Variants in ANAPC1 observed in about 807,000 individuals in gnomAD.
The protein encoded by ANAPC1 is anaphase-promoting complex subunit 1.
Under a neutral mutation model 208.0 loss-of-function variants are expected in ANAPC1, and 36 were observed. The observed-to-expected ratio is 0.17, with a 90% confidence interval of 0.13 to 0.23. ANAPC1 has a LOEUF of 0.23. Among genes scored for constraint, ANAPC1 ranks in the 10% least tolerant of loss-of-function variants. ANAPC1 has a pLI of 1.00. For synonymous variants in ANAPC1, 378 were observed against 695.2 expected (o/e 0.54, Z 7.18); for missense variants, 942 against 2,011.6 (o/e 0.47, Z 10.17).
intron 21 of ANAPC1, among the ~76,000 whole-genome samples, chr2:111,829,533 G>T (rs1247919258): frequency 6.6e-6 from 1 of 152,164 alleles, no homozygotes; most frequent in Non-Finnish European, 1.5e-5. Flanking sequence ...TCCAGGATGG[G>T]GGGACTGAGG....
chr2:111,869,369 G>A (rs368771878), intron 6 of ANAPC1, among the ~76,000 whole-genome samples: 14 of 151,926 alleles, frequency 9.2e-5, no homozygotes, highest in South Asian at 2.1e-4. Context: ...TCAGCCTCCC[G>A]AGTAGCTGGG....
At chr2:111,826,762 G>A (rs571957047) in intron 21 of ANAPC1, among the ~76,000 whole-genome samples, 1 of 151,510 alleles carries the variant, frequency 6.6e-6, no homozygotes, top group Non-Finnish European at 1.5e-5. Flanking sequence ...CTGGGTTCAA[G>A]CGATTCTCCC....
chr2:111,851,387 T>C (rs1297308321), intron 13 of ANAPC1, among the ~76,000 whole-genome samples: 1 of 149,334 alleles, frequency 6.7e-6, no homozygotes, highest in East Asian at 2.0e-4. Flanking sequence ...TTTCTCTTGG[T>C]TGGATTCCTT....
chr2:111,873,707 A>T (rs1215754083), intron 3 of ANAPC1, 43 bp from the exon 4 acceptor site: 1 of 1,534,280 alleles, frequency 6.5e-7, no homozygotes, highest in Non-Finnish European at 8.7e-7. Context: ...ATTATATCTA[A>T]ATAATCATCT....
In ANAPC1 at chr2:111,792,759, C is replaced by T. The variant is rs941503581; in HGVS notation, c.4519-204G>A. Among the ~76,000 whole-genome samples, 91 of 151,824 alleles carry T rather than the reference C, an allele frequency of 6.0e-4. 1 individual carries two copies. Among genetic ancestry groups the T allele is most frequent in the African/African-American group, 1.2e-3 (48 of 41,496 alleles). On this transcript the variant is annotated intron_variant, in intron 37 of 47. Transcript: ENST00000341068. ...CGAGGTCAGGAGATCGAGACCATCCCGGCTAACATGGTGAAACCCCGTCTC... is the reference window on the plus strand; with the variant it reads ...CGAGGTCAGGAGATCGAGACCATCCTGGCTAACATGGTGAAACCCCGTCTC...
At chr2:111,870,878 TA>T (rs201091772) in intron 6 of ANAPC1, among the ~76,000 whole-genome samples, 1 of 151,936 alleles carries the variant, frequency 6.6e-6, no homozygotes, top group Non-Finnish European at 1.5e-5. Flanking sequence ...AGGTGAGAGA[TA>T]AAAAAAACCC....
intron 16 of ANAPC1, among the ~76,000 whole-genome samples, 186 bp downstream of exon 16, chr2:111,846,952 T>C (rs979624705): frequency 6.6e-6 from 1 of 152,118 alleles, no homozygotes; most frequent in Non-Finnish European, 1.5e-5. Flanking sequence ...CCTTCACCTG[T>C]ACTCCAGCCT....
At chr2:111,856,561 A>C in intron 13 of ANAPC1, 53 bp downstream of exon 13, 2 of 1,480,320 alleles carry the variant, frequency 1.4e-6, no homozygotes, top group South Asian at 2.3e-5. Flanking sequence ...ACAAATATTC[A>C]TGCAGGCAGC....
At chr2:111,881,959 C>T (rs181422398) in intron 1 of ANAPC1, among the ~76,000 whole-genome samples, 1 of 151,870 alleles carries the variant, frequency 6.6e-6, no homozygotes. Context: ...CCAAAGCAGG[C>T]GGATCACTAG....
chr2:111,772,351 T>A lies in ANAPC1; in HGVS notation c.5709A>T (p.Ile1903=). 6.2e-7 allele frequency: 1 copy of A among 1,613,058 alleles called. No individual in the cohort carries two copies. The highest frequency in any genetic ancestry group is 8.5e-7 in the Non-Finnish European group (1 of 1,179,662). The part of the protein sequence containing the change: ...SVPAPQHLPP[I]GLEGSTSFAE... Reference sequence around the variant, plus strand: ...TAGATATGCAATTACCTTCTAGTCCTATAGGTGGCAGGTGCTGTGGAGCTG... The same window carrying A: ...TAGATATGCAATTACCTTCTAGTCCAATAGGTGGCAGGTGCTGTGGAGCTG... The change falls in exon 47 of 48, where the codon ATA becomes ATT. Residue 1903 remains isoleucine, a synonymous_variant. Transcript: ENST00000341068.
chr2:111,810,882 CAAAAAAAA>C (rs1162540899), intron 28 of ANAPC1, among the ~76,000 whole-genome samples: 10 of 71,802 alleles, frequency 1.4e-4, no homozygotes, highest in Non-Finnish European at 2.0e-4. Flanking sequence ...GACTCCACAT[CAAAAAAAA>C]AAAAAAAAAA....
chr2:111,869,781 G>C (rs770666427), intron 6 of ANAPC1, among the ~76,000 whole-genome samples: 3 of 152,064 alleles, frequency 2.0e-5, no homozygotes, highest in Non-Finnish European at 4.4e-5. Context: ...ATTATGTAGT[G>C]GTGAATTCTG....
intron 6 of ANAPC1, among the ~76,000 whole-genome samples, chr2:111,868,488 C>T (rs6541931): frequency 0.58 from 88,392 of 152,018 alleles, 26,628 homozygotes; most frequent in South Asian, 0.69. Flanking sequence ...CAAAGGAATG[C>T]ATTTTTTAAA....
chr2:111,816,668 C>T (rs1260165655), intron 27 of ANAPC1, among the ~76,000 whole-genome samples: 1 of 144,654 alleles, frequency 6.9e-6, no homozygotes, highest in Non-Finnish European at 1.5e-5. Context: ...AAATAATTAA[C>T]ATAAATATTT....
intron 1 of ANAPC1, among the ~76,000 whole-genome samples, chr2:111,882,938 C>G (rs898785493): frequency 1.3e-5 from 2 of 151,918 alleles, no homozygotes; most frequent in Admixed American, 1.3e-4. Context: ...GTGGCCGAGA[C>G]GGGTGGATCA....
intron 47 of ANAPC1, 111 bp downstream of exon 47, chr2:111,772,230 G>A (rs1676780538): frequency 2.7e-6 from 3 of 1,121,562 alleles, no homozygotes; most frequent in African/African-American, 1.5e-5. Flanking sequence ...CAATGACACT[G>A]CAACATTAAT....
intron 28 of ANAPC1, among the ~76,000 whole-genome samples, chr2:111,810,882 C>CA (rs1162540899): frequency 0.2 from 14,413 of 71,392 alleles, 1,425 homozygotes; most frequent in African/African-American, 0.28. Flanking sequence ...GACTCCACAT[C>CA]AAAAAAAAAA....
At chr2:111,883,356 A>T (rs2104626408) in intron 1 of ANAPC1, among the ~76,000 whole-genome samples, 1 of 152,254 alleles carries the variant, frequency 6.6e-6, no homozygotes, top group Non-Finnish European at 1.5e-5. Flanking sequence ...AGAATTGTTA[A>T]AGAATTATCA....
chr2:111,877,864 G>A (rs1172408544), intron 3 of ANAPC1, among the ~76,000 whole-genome samples: 1 of 151,996 alleles, frequency 6.6e-6, no homozygotes, highest in Non-Finnish European at 1.5e-5. Context: ...TTATCTCATG[G>A]TATTTTAAAA....
Sources: allele counts gnomAD v4.1 joint callset (sites outside exome capture counted in the v4.1 genomes callset), GRCh38; gene constraint gnomAD v4.1.1; transcripts MANE v1.5; gene names NCBI Gene and HGNC (gene_info 2026-07-23, HGNC 2026-07-21).